The following PTK2B variants were observed in gnomAD, a reference collection of about 807,000 sequenced individuals.
PTK2B encodes the protein protein tyrosine kinase 2 beta.
A neutral mutation model predicts 142.9 loss-of-function variants in PTK2B; 71 were observed. That is an observed-to-expected ratio of 0.50 (90% CI 0.41 to 0.61). PTK2B has a LOEUF of 0.61. PTK2B is among the 20% of genes least tolerant of loss of function. The pLI is 0.00. For synonymous variants in PTK2B, 519 were observed against 503.4 expected, an observed-to-expected ratio of 1.03 and a Z score of -0.42; for missense variants, 1,105 against 1,320.4, an observed-to-expected ratio of 0.84 and a Z score of 2.53.
intron 1 of PTK2B, among the ~76,000 whole-genome samples, chr8:27,372,463 G>A (rs1395464417): frequency 2.0e-5 from 3 of 152,106 alleles, no homozygotes; most frequent in Admixed American, 2.0e-4. Flanking sequence ...TACTCAGCAG[G>A]GGGGTCAGCC....
chr8:27,407,794 T>C (rs1808813750), intron 2 of PTK2B, among the ~76,000 whole-genome samples: 2 of 152,310 alleles, frequency 1.3e-5, no homozygotes, highest in East Asian at 1.9e-4. Context: ...CCTTGAGCCA[T>C]GTTCATCCTT....
intron 28 of PTK2B, 145 bp from the exon 29 acceptor site, chr8:27,454,009 C>CG (rs1811984595): frequency 3.4e-6 from 4 of 1,183,134 alleles, no homozygotes; most frequent in Admixed American, 4.6e-5. Flanking sequence ...CAATGCACCC[C>CG]GGGACAGGGC....
chr8:27,436,859 C>T (rs1177232500), intron 15 of PTK2B, among the ~76,000 whole-genome samples: 1 of 152,192 alleles, frequency 6.6e-6, no homozygotes, highest in Non-Finnish European at 1.5e-5. Flanking sequence ...CACGGCCCCT[C>T]AGTCTCAGTG....
At chr8:27,375,922 C>T (rs1275906899) in intron 1 of PTK2B, among the ~76,000 whole-genome samples, 1 of 152,254 alleles carries the variant, frequency 6.6e-6, no homozygotes, top group Non-Finnish European at 1.5e-5. Flanking sequence ...CAATTAGGCA[C>T]TTGACACATG....
chr8:27,427,246 G>A (rs878879103), intron 5 of PTK2B, among the ~76,000 whole-genome samples: 1 of 152,204 alleles, frequency 6.6e-6, no homozygotes, highest in Non-Finnish European at 1.5e-5. Flanking sequence ...ATTACAAGCA[G>A]TGTGACCATC....
intron 1 of PTK2B, among the ~76,000 whole-genome samples, chr8:27,391,029 C>T (rs13265352): frequency 0.055 from 8,307 of 152,082 alleles, 304 homozygotes; most frequent in Non-Finnish European, 0.091. Flanking sequence ...ATCATACGGC[C>T]TTTCTGACTA....
intron 1 of PTK2B, among the ~76,000 whole-genome samples, chr8:27,361,912 C>T (rs954061939): frequency 3.3e-5 from 5 of 152,306 alleles, no homozygotes; most frequent in African/African-American, 1.2e-4. Flanking sequence ...GAATTTTTCT[C>T]ATCCTCCTAG....
intron 2 of PTK2B, among the ~76,000 whole-genome samples, chr8:27,405,793 G>T (rs1286987176): frequency 1.3e-5 from 2 of 152,202 alleles, no homozygotes; most frequent in African/African-American, 4.8e-5. Flanking sequence ...GAATGTCCTT[G>T]TTAGAGACTT....
chr8:27,387,297 G>T (rs551481000), intron 1 of PTK2B, among the ~76,000 whole-genome samples: 1 of 152,296 alleles, frequency 6.6e-6, no homozygotes, highest in African/African-American at 2.4e-5. Flanking sequence ...CTCAAAATGG[G>T]AGAGCAGCCT....
At chr8:27,424,037 A>T (rs188152609) in intron 5 of PTK2B, among the ~76,000 whole-genome samples, 1 of 152,132 alleles carries the variant, frequency 6.6e-6, no homozygotes, top group Non-Finnish European at 1.5e-5. Context: ...TGTGCCTTTC[A>T]TCCCTTCTCA....
At chr8:27,457,628 C>T (rs1342899172) in intron 30 of PTK2B, among the ~76,000 whole-genome samples, 2 of 152,114 alleles carry the variant, frequency 1.3e-5, no homozygotes, top group Non-Finnish European at 2.9e-5. Flanking sequence ...ATATCATTAA[C>T]CATTTGGAAG....
chr8:27,393,766 G>A (rs957349341), intron 1 of PTK2B, among the ~76,000 whole-genome samples: 2 of 151,552 alleles, frequency 1.3e-5, no homozygotes, highest in South Asian at 2.1e-4. Flanking sequence ...CACAAGCACC[G>A]CTTCCCCCAC....
chr8:27,397,760 T>G lies in PTK2B; in HGVS notation c.176T>G (p.Val59Gly). 2 of 1,614,238 alleles carry G rather than the reference T, an allele frequency of 1.2e-6. No individual in the cohort carries two copies. Among genetic ancestry groups the G allele is most frequent in the Non-Finnish European group, 1.7e-6 (2 of 1,180,038 alleles). Residue 59 changes from valine (V) to glycine (G), a missense_variant, in exon 2 of 31, where the codon GTC becomes GGC. Physicochemically the swap from Val to Gly is moderately radical, Grantham distance 109 (BLOSUM62 -3). Coordinates refer to ENST00000346049, the MANE Select transcript of PTK2B (RefSeq NM_173176.3). The stretch of plus-strand genomic sequence containing the variant: ...AATCCTGGGAAAAACTTCAAACTGG[T>G]CAAATGCACTGTCCAGACGGAGATC... ...SFNPGKNFKLVKCTVQTEIRE... is the reference protein window; with the variant it reads ...SFNPGKNFKLGKCTVQTEIRE...
intron 1 of PTK2B, among the ~76,000 whole-genome samples, chr8:27,361,241 T>C (rs1805682939): frequency 6.6e-6 from 1 of 152,148 alleles, no homozygotes; most frequent in Non-Finnish European, 1.5e-5. Context: ...TTATTTGATA[T>C]AGGGTCTTGC....
chr8:27,377,704 G>A (rs769631348), intron 1 of PTK2B, among the ~76,000 whole-genome samples: 4 of 152,208 alleles, frequency 2.6e-5, no homozygotes, highest in Non-Finnish European at 4.4e-5. Context: ...CCTGTGTCAC[G>A]GGAGGGTATT....
At chr8:27,354,205 C>T (rs1441935917) in intron 1 of PTK2B, among the ~76,000 whole-genome samples, 1 of 152,158 alleles carries the variant, frequency 6.6e-6, no homozygotes, top group Non-Finnish European at 1.5e-5. Context: ...GCCCTTTTCC[C>T]CAAGCTAAAG....
chr8:27,354,403 G>A (rs1211478820), intron 1 of PTK2B, among the ~76,000 whole-genome samples: 1 of 152,080 alleles, frequency 6.6e-6, no homozygotes, highest in Non-Finnish European at 1.5e-5. Flanking sequence ...GTCTCCACTA[G>A]CACACAAGGC....
chr8:27,431,305 T>C, intron 8 of PTK2B, 93 bp from the exon 9 acceptor site: 1 of 1,592,584 alleles, frequency 6.3e-7, no homozygotes, highest in Admixed American at 1.8e-5. Context: ...CAGGAAACAG[T>C]GGCTTGTGTC....
At chr8:27,440,124 G>C in intron 20 of PTK2B, 113 bp from the exon 21 acceptor site, 1 of 1,078,188 alleles carries the variant, frequency 9.3e-7, no homozygotes, top group Non-Finnish European at 1.4e-6. Context: ...GGAGGAGGAG[G>C]AGGGACCGCA....
Sources: allele counts gnomAD v4.1 joint callset (sites outside exome capture counted in the v4.1 genomes callset), GRCh38; gene constraint gnomAD v4.1.1; transcripts MANE v1.5; gene names NCBI Gene and HGNC (gene_info 2026-07-23, HGNC 2026-07-21).